SYBU: variants seen among roughly 807,000 people sequenced by gnomAD.
The protein encoded by SYBU is syntabulin, also known as GOLSYN A protein.
Under a neutral mutation model 35.9 loss-of-function variants are expected in SYBU, and 21 were observed. That is an observed-to-expected ratio of 0.58 (90% CI 0.41 to 0.84). The LOEUF (loss-of-function observed/expected upper bound fraction) is 0.84, where lower values mean the gene tolerates loss of function less well. SYBU is among the 40% of genes least tolerant of loss of function. The pLI is 0.00. For synonymous variants in SYBU, 319 were observed against 324.3 expected, an observed-to-expected ratio of 0.98 and a Z score of 0.18; for missense variants, 768 against 848.2, an observed-to-expected ratio of 0.91 and a Z score of 1.17.
At chr8:109,577,469 C>T (rs977052780) in intron 6 of SYBU, among the ~76,000 whole-genome samples, 8 of 151,886 alleles carry the variant, frequency 5.3e-5, no homozygotes, top group African/African-American at 1.7e-4. Context: ...CATTCATGCA[C>T]GGATATAAAC....
At chr8:109,649,196 G>C (rs1183245034), upstream of SYBU, among the ~76,000 whole-genome samples, 1 of 151,482 alleles carries the variant, frequency 6.6e-6, no homozygotes, top group African/African-American at 2.4e-5. Flanking sequence ...AGAGATGGGG[G>C]TTTCACCATG....
intron 1 of SYBU, among the ~76,000 whole-genome samples, chr8:109,656,908 G>T (rs941494867): frequency 6.6e-6 from 1 of 151,734 alleles, no homozygotes; most frequent in Non-Finnish European, 1.5e-5. Context: ...GACACTTAAG[G>T]TAAACCCATG....
In SYBU at chr8:109,616,006, C is replaced by CTTTTTT. The variant is rs35120699; in HGVS notation, c.427+2830_427+2835dup. 3.6e-3 allele frequency among the ~76,000 whole-genome samples: 244 copies of CTTTTTT among 67,756 alleles called. 2 individuals carry two copies. The highest frequency in any genetic ancestry group is 0.012 in the African/African-American group (176 of 14,670). The allele number at this position is 67,756 out of a possible 152,430, so 44.5% of individuals were successfully genotyped here. Reference sequence around the variant, plus strand: ...TAATTTCTTTTCTTTTCTTTTCTTTCTTTTTTTTTTTTTTTTTTTTTTTGA... The same window carrying CTTTTTT: ...TAATTTCTTTTCTTTTCTTTTCTTTCTTTTTTTTTTTTTTTTTTTTTTTTTTTTTGA... On this transcript the variant is annotated intron_variant, in intron 3 of 6. Transcript: ENST00000276646.
intron 1 of SYBU, among the ~76,000 whole-genome samples, chr8:109,663,272 G>A (rs1431225092): frequency 1.3e-5 from 2 of 150,738 alleles, no homozygotes. Flanking sequence ...TAGATAGATA[G>A]ATAGATAGAT....
chr8:109,608,979 G>A (rs910758890), intron 3 of SYBU, among the ~76,000 whole-genome samples: 18 of 152,098 alleles, frequency 1.2e-4, no homozygotes, highest in Non-Finnish European at 2.9e-5. Context: ...ATAATGCAAA[G>A]AAGCTACATA....
chr8:109,633,181 T>C (rs1033748976), intron 2 of SYBU, among the ~76,000 whole-genome samples: 3 of 152,184 alleles, frequency 2.0e-5, no homozygotes, highest in Non-Finnish European at 4.4e-5. Context: ...AAAGAAAATA[T>C]AATCCTCATA....
chr8:109,659,625 G>A (rs1816487748), intron 1 of SYBU, among the ~76,000 whole-genome samples: 1 of 152,082 alleles, frequency 6.6e-6, no homozygotes, highest in Non-Finnish European at 1.5e-5. Context: ...ATTCATAAGA[G>A]CACTTCAATT....
intron 4 of SYBU, among the ~76,000 whole-genome samples, chr8:109,582,114 AG>A (rs1823097645): frequency 6.6e-6 from 1 of 152,200 alleles, no homozygotes; most frequent in African/African-American, 2.4e-5. Context: ...ATTACACCTT[AG>A]GCAGGAATGT....
rs1826124313 is a variant in SYBU, at chr8:109,606,907, G to A, written c.427+11935C>T. Among the ~76,000 whole-genome samples, 4 of 152,258 alleles carry A rather than the reference G, an allele frequency of 2.6e-5. No homozygotes were observed. The Middle Eastern group carries it at 0.01, about 388-fold the overall frequency. On this transcript the variant is annotated intron_variant, in intron 3 of 6. Coordinates refer to ENST00000276646, the MANE Select transcript of SYBU (RefSeq NM_001099754.2). ...AAAGTTAACAATCTAGCATAATGCT[G>A]TGTTCACTTTTTTATATGATTAAAG... is the stretch of plus-strand genomic sequence containing the variant.
rs905408817 is a variant in SYBU, at chr8:109,624,165, A to T, written c.230-5126T>A. ...AGTGACTGATAATCACTGGATATAT[A>T]AAAAAAACTGAGTTCATGGTCATAT... On this transcript the variant is annotated intron_variant, in intron 2 of 6. Transcript: ENST00000276646. Among the ~76,000 whole-genome samples, 19 of 152,068 alleles carry T rather than the reference A, an allele frequency of 1.2e-4. No homozygotes were observed. The East Asian group carries it at 1.4e-3, about 11-fold the overall frequency.
chr8:109,621,507 C>T (rs1812395292), intron 2 of SYBU, among the ~76,000 whole-genome samples: 1 of 152,174 alleles, frequency 6.6e-6, no homozygotes. Flanking sequence ...GATCTCTTAA[C>T]TCTCTACTCT....
chr8:109,678,405 G>A (rs1334282026), intron 1 of SYBU, among the ~76,000 whole-genome samples: 1 of 151,068 alleles, frequency 6.6e-6, no homozygotes, highest in East Asian at 1.9e-4. Flanking sequence ...GCTGTCTGGG[G>A]GTGGGGTGGA....
At chr8:109,668,687 G>A (rs1816857160) in intron 1 of SYBU, among the ~76,000 whole-genome samples, 1 of 152,182 alleles carries the variant, frequency 6.6e-6, no homozygotes, top group Non-Finnish European at 1.5e-5. Flanking sequence ...TGCTATTTCA[G>A]ATCGTTGCTG....
upstream of SYBU, chr8:109,645,093 C>CA: frequency 2.5e-6 from 1 of 401,352 alleles, no homozygotes; most frequent in Non-Finnish European, 5.0e-6. Flanking sequence ...ACCCCACCCT[C>CA]TTTTTTTTTT....
At chr8:109,651,821 A>G (rs1563765968) in intron 1 of SYBU, among the ~76,000 whole-genome samples, 2 of 152,076 alleles carry the variant, frequency 1.3e-5, no homozygotes, top group Non-Finnish European at 2.9e-5. Context: ...CATCCTAAAA[A>G]GTTTCATCTT....
In SYBU at chr8:109,574,778, A is replaced by G. The variant is rs1360796451; in HGVS notation, c.*128T>C. 1 of 1,052,150 alleles carries G rather than the reference A, an allele frequency of 9.5e-7. No individual in the cohort carries two copies. The highest frequency in any genetic ancestry group is 1.6e-5 in the African/African-American group (1 of 63,146). 65.2% of individuals were successfully genotyped at this position (1,052,150 alleles called of 1,614,324 possible). A position where few individuals can be genotyped will look rare whatever the true frequency, so the allele number is the denominator to read the frequency against. ...AACAGTGAACAGGCTTCAACTAAAT[A>G]TAGTGCAAATCAAATACCAAGGAGC... On this transcript the variant is annotated 3_prime_UTR_variant, in exon 7 of 7. Coordinates refer to ENST00000276646, the MANE Select transcript of SYBU (RefSeq NM_001099754.2).
chr8:109,575,259 T>A lies in SYBU; in HGVS notation c.1639A>T (p.Asn547Tyr), dbSNP rs1215360842. The A allele has an allele frequency of 6.2e-7, 1 of 1,614,150 alleles. No individual in the cohort carries two copies. The highest frequency in any genetic ancestry group is 1.7e-5 in the Admixed American group (1 of 60,022). ...SALVVDLTPRNPNSAILLSPV... is the reference protein window; with the variant it reads ...SALVVDLTPRYPNSAILLSPV... ...GACAAAAGGATGGCTGAGTTTGGATTTCTTGGAGTTAAATCAACCACTAAG... is the reference window on the plus strand; with the variant it reads ...GACAAAAGGATGGCTGAGTTTGGATATCTTGGAGTTAAATCAACCACTAAG... The change falls in exon 7 of 7, where the codon AAT becomes TAT. Residue 547 changes from asparagine to tyrosine, a missense_variant. Physicochemically the swap from Asn to Tyr is moderately radical, Grantham distance 143. Transcript: ENST00000276646.
upstream of SYBU, among the ~76,000 whole-genome samples, chr8:109,685,157 G>A (rs2130788307): frequency 6.6e-6 from 1 of 152,290 alleles, no homozygotes; most frequent in South Asian, 2.1e-4. Flanking sequence ...TTGTAAAGAG[G>A]AAATTGTAAT....
At chr8:109,617,181 A>G (rs886789806) in intron 3 of SYBU, among the ~76,000 whole-genome samples, 5 of 152,236 alleles carry the variant, frequency 3.3e-5, no homozygotes, top group African/African-American at 1.2e-4. Context: ...ACTGATGTAC[A>G]CCACATGGGT....
Sources: allele counts gnomAD v4.1 joint callset (sites outside exome capture counted in the v4.1 genomes callset), GRCh38; gene constraint gnomAD v4.1.1; transcripts MANE v1.5; gene names NCBI Gene and HGNC (gene_info 2026-07-23, HGNC 2026-07-21).